Variants in PRKG1 observed in about 807,000 individuals in gnomAD.
The protein encoded by PRKG1 is cGMP-dependent protein kinase 1.
A neutral mutation model predicts 88.1 loss-of-function variants in PRKG1; 35 were observed. The observed-to-expected ratio is 0.40, with a 90% CI of 0.30 to 0.53. PRKG1 has a LOEUF of 0.53. PRKG1 is among the 20% of genes least tolerant of loss of function. The probability of loss-of-function intolerance (pLI) is 0.59; values close to 1 mark genes in which losing one functional copy is unlikely to be tolerated. For synonymous variants in PRKG1, 303 were observed against 292.5 expected (o/e 1.04, Z -0.37); for missense variants, 540 against 839.8 (o/e 0.64, Z 4.41).
Position 50,991,729 on chromosome 10 carries a change from G to A in PRKG1, c.266+85G>A. 1 of 1,052,718 alleles carries A rather than the reference G, an allele frequency of 9.5e-7. No individual in the cohort carries two copies. The highest frequency in any genetic ancestry group is 1.2e-6 in the Non-Finnish European group (1 of 862,704). The allele number at this position is 1,052,718 out of a possible 1,614,324, so 65.2% of individuals were successfully genotyped here. A position where few individuals can be genotyped will look rare whatever the true frequency, so the allele number is the denominator to read the frequency against. On this transcript the variant is annotated intron_variant, in intron 1 of 17. Transcript: ENST00000401604. This position sits in a 1 kb window ranked among gnomAD's most constrained non-coding sequence, Gnocchi z 4.5. Reference sequence around the variant, plus strand: ...GCTCTGGCCGCGGCGGCGGGGGCGGGTCGGCCCAGGGCGCCCCCTGCTCGC... The same window carrying A: ...GCTCTGGCCGCGGCGGCGGGGGCGGATCGGCCCAGGGCGCCCCCTGCTCGC...
intron 3 of PRKG1, among the ~76,000 whole-genome samples, chr10:51,787,698 C>A (rs1423670385): frequency 6.6e-6 from 1 of 152,056 alleles, no homozygotes; most frequent in Admixed American, 6.6e-5. Context: ...AAGGAGTTGG[C>A]GCAATTATGT....
chr10:52,193,722 A>G (rs779850310), intron 9 of PRKG1, among the ~76,000 whole-genome samples: 1 of 152,178 alleles, frequency 6.6e-6, no homozygotes, highest in Non-Finnish European at 1.5e-5. Flanking sequence ...AACATATACA[A>G]AGAAAGCAAA....
intron 3 of PRKG1, among the ~76,000 whole-genome samples, chr10:51,710,718 T>C (rs1395133851): frequency 6.6e-6 from 1 of 152,240 alleles, no homozygotes; most frequent in Non-Finnish European, 1.5e-5. Context: ...TTAAATATCA[T>C]TGTGCTTTAA....
chr10:51,535,281 CCTT>C (rs2132101671), intron 3 of PRKG1, among the ~76,000 whole-genome samples: 1 of 152,254 alleles, frequency 6.6e-6, no homozygotes, highest in African/African-American at 2.4e-5. Context: ...TCTATTTTCC[CCTT>C]CTTCTCCCTA....
intron 5 of PRKG1, among the ~76,000 whole-genome samples, chr10:52,038,234 G>A (rs553549856): frequency 5.3e-5 from 8 of 152,074 alleles, no homozygotes; most frequent in South Asian, 2.1e-4. Flanking sequence ...AAGGGTGGAA[G>A]GTTGCCTATA....
intron 17 of PRKG1, among the ~76,000 whole-genome samples, chr10:52,291,666 G>A (rs184896349): frequency 1.3e-5 from 2 of 152,036 alleles, no homozygotes; most frequent in African/African-American, 4.8e-5. Flanking sequence ...TGGACATTTG[G>A]GTTAGTTCCA....
chr10:51,663,606 A>C (rs900894078), intron 3 of PRKG1, among the ~76,000 whole-genome samples: 1 of 150,006 alleles, frequency 6.7e-6, no homozygotes, highest in Admixed American at 6.7e-5. Context: ...AGTCCTACCT[A>C]CTCTGGAGGC....
intron 4 of PRKG1, among the ~76,000 whole-genome samples, chr10:51,888,929 G>A (rs1841641876): frequency 6.6e-6 from 1 of 152,088 alleles, no homozygotes; most frequent in Non-Finnish European, 1.5e-5. Flanking sequence ...CTTATTTAAT[G>A]TCACATAGTT....
intron 5 of PRKG1, among the ~76,000 whole-genome samples, chr10:51,971,952 A>G (rs1229389025): frequency 6.6e-6 from 1 of 152,146 alleles, no homozygotes; most frequent in Non-Finnish European, 1.5e-5. Context: ...GCATTTTACC[A>G]TTTTGCCAAT....
At chr10:51,309,540 G>A (rs769036033) in intron 2 of PRKG1, among the ~76,000 whole-genome samples, 55 of 152,232 alleles carry the variant, frequency 3.6e-4, no homozygotes, top group African/African-American at 1.2e-3. Flanking sequence ...AAACCACAAT[G>A]AGTTAGCATC....
At chr10:51,523,997 A>G (rs1228564260) in intron 3 of PRKG1, among the ~76,000 whole-genome samples, 2 of 152,134 alleles carry the variant, frequency 1.3e-5, no homozygotes, top group Non-Finnish European at 2.9e-5. Context: ...ATGGTTTAGC[A>G]TCATCCTCTC....
chr10:51,346,083 G>T (rs1242395364), intron 2 of PRKG1, among the ~76,000 whole-genome samples: 2 of 152,178 alleles, frequency 1.3e-5, no homozygotes, highest in African/African-American at 4.8e-5. Context: ...TGCTCTGTGT[G>T]ATGTTTCCAA....
chr10:51,647,467 C>G (rs1589158540), intron 3 of PRKG1, among the ~76,000 whole-genome samples: 1 of 152,332 alleles, frequency 6.6e-6, no homozygotes, highest in East Asian at 1.9e-4. Flanking sequence ...ACACTCCTGG[C>G]TAAATCACTA....
chr10:51,408,193 C>T (rs1411898934), intron 2 of PRKG1, among the ~76,000 whole-genome samples: 2 of 152,154 alleles, frequency 1.3e-5, no homozygotes, highest in African/African-American at 4.8e-5. Flanking sequence ...GTATACAAGG[C>T]CTTCTGGAGA....
chr10:52,062,796 G>A, intron 7 of PRKG1, 165 bp downstream of exon 7: 1 of 730,972 alleles, frequency 1.4e-6, no homozygotes, highest in Non-Finnish European at 2.5e-6. Context: ...AGCTGGACTT[G>A]GAATCTGTTT....
intron 5 of PRKG1, among the ~76,000 whole-genome samples, chr10:52,046,183 G>C (rs1445157094): frequency 6.6e-6 from 1 of 151,888 alleles, no homozygotes; most frequent in Non-Finnish European, 1.5e-5. Flanking sequence ...AAGGTCACTG[G>C]GTTAATTATA....
At chr10:51,433,660 G>C (rs1025446062) in intron 2 of PRKG1, among the ~76,000 whole-genome samples, 1 of 152,142 alleles carries the variant, frequency 6.6e-6, no homozygotes, top group Non-Finnish European at 1.5e-5. Context: ...GTCCCACCGT[G>C]TGGGTGGTGA....
intron 5 of PRKG1, among the ~76,000 whole-genome samples, chr10:51,966,262 C>A (rs1170578286): frequency 6.6e-6 from 1 of 152,048 alleles, no homozygotes; most frequent in African/African-American, 2.4e-5. Context: ...GCAAACAGTA[C>A]CTGGCTCATT....
chr10:51,587,227 G>T (rs1564562560), intron 3 of PRKG1, among the ~76,000 whole-genome samples: 1 of 151,966 alleles, frequency 6.6e-6, no homozygotes, highest in Non-Finnish European at 1.5e-5. Context: ...TCTTTCCAGA[G>T]AAAATAACAA....
Sources: gnomAD v4.1 joint callset for allele counts (sites outside exome capture counted in the v4.1 genomes callset) on GRCh38, gnomAD v4.1.1 for gene constraint, Gnocchi (gnomAD v3.1) non-coding constraint, MANE v1.5 for transcripts, NCBI Gene and HGNC (gene_info 2026-07-23, HGNC 2026-07-21) for gene names.